The following PARD3B variants were observed in gnomAD, a reference collection of about 807,000 sequenced individuals.
PARD3B encodes the protein par-3 family cell polarity regulator beta.
Under a neutral mutation model 130.2 loss-of-function variants are expected in PARD3B, and 103 were observed. The ratio of observed to expected loss-of-function variants is 0.79; its 90% CI spans 0.67 to 0.93. The LOEUF is 0.93. PARD3B is among the 40% of genes least tolerant of loss of function. The probability of loss-of-function intolerance (pLI) is 0.00; values close to 1 mark genes in which losing one functional copy is unlikely to be tolerated. For missense variants in PARD3B, 1,609 were observed against 1,499.2 expected (o/e 1.07, Z -1.21); for synonymous variants, 583 against 553.2 (o/e 1.05, Z -0.76).
In PARD3B at chr2:205,244,670, AAC is replaced by A. The variant is rs2039493579; in HGVS notation, c.2141-1104_2141-1103del. On this transcript the variant is annotated intron_variant, in intron 15 of 22. Coordinates refer to ENST00000406610, the MANE Select transcript of PARD3B (RefSeq NM_001302769.2). This position sits in a 1 kb window ranked among gnomAD's most constrained non-coding sequence, Gnocchi z 4.7. ...TGTTTGTGGGAAAGTTTTACTTATAAACACATTTTTTTTTTCAAAAAACTACT... is the reference window on the plus strand; with the variant it reads ...TGTTTGTGGGAAAGTTTTACTTATAAACATTTTTTTTTTCAAAAAACTACT... Among the ~76,000 whole-genome samples, 2 of 152,202 alleles carry A rather than the reference AAC, an allele frequency of 1.3e-5. No individual in the cohort carries two copies. The highest frequency in any genetic ancestry group is 3.9e-4 in the East Asian group (2 of 5,178).
At chr2:205,219,070 A>G (rs549907893) in intron 15 of PARD3B, among the ~76,000 whole-genome samples, 2 of 147,594 alleles carry the variant, frequency 1.4e-5, no homozygotes, top group Admixed American at 6.8e-5. Context: ...ACAAAGGGAG[A>G]CTCTGTTTAA....
At chr2:205,114,904 A>G (rs181322755) in intron 6 of PARD3B, among the ~76,000 whole-genome samples, 115 of 152,220 alleles carry the variant, frequency 7.6e-4, no homozygotes, top group African/African-American at 2.6e-3. Context: ...GGGTTATGGC[A>G]TAGGACAAAC....
intron 4 of PARD3B, among the ~76,000 whole-genome samples, chr2:205,088,025 T>C (rs1701848010): frequency 6.6e-6 from 1 of 152,236 alleles, no homozygotes; most frequent in Non-Finnish European, 1.5e-5. Flanking sequence ...AAGCTATTTT[T>C]GTGCAATGGC....
intron 2 of PARD3B, among the ~76,000 whole-genome samples, chr2:204,884,772 G>T (rs760679362): frequency 6.6e-6 from 1 of 152,154 alleles, no homozygotes; most frequent in South Asian, 2.1e-4. Flanking sequence ...TGAGGATAAC[G>T]GCTTGTGGTC....
In PARD3B at chr2:205,015,620, G is replaced by A. The variant is rs946018215; in HGVS notation, c.395-31961G>A. Among the ~76,000 whole-genome samples the A allele has an allele frequency of 6.6e-6, 1 of 152,184 alleles. No individual in the cohort carries two copies. The highest frequency in any genetic ancestry group is 1.5e-5 in the Non-Finnish European group (1 of 68,036). On this transcript the variant is annotated intron_variant, in intron 3 of 22. Coordinates refer to ENST00000406610, the MANE Select transcript of PARD3B (RefSeq NM_001302769.2). This position sits in a 1 kb window ranked among gnomAD's most constrained non-coding sequence, Gnocchi z 4.5. ...AATGAATCAATGAATGAGTAAATTG[G>A]AGGATGTAATAAAGGTGGTTGACAT...
At chr2:205,465,491 T>A (rs1170886027) in intron 20 of PARD3B, among the ~76,000 whole-genome samples, 1 of 152,234 alleles carries the variant, frequency 6.6e-6, no homozygotes, top group Non-Finnish European at 1.5e-5. Context: ...TCGATTTCAT[T>A]ATCTGAATTC....
At chr2:205,029,560 A>G (rs773868025) in intron 3 of PARD3B, among the ~76,000 whole-genome samples, 39 of 152,226 alleles carry the variant, frequency 2.6e-4, no homozygotes, top group Non-Finnish European at 5.9e-5. Context: ...TCAGTCTGCT[A>G]TGAAGCCCTC....
At chr2:204,983,697 A>G (rs1409450379) in intron 3 of PARD3B, among the ~76,000 whole-genome samples, 1 of 152,194 alleles carries the variant, frequency 6.6e-6, no homozygotes, top group Non-Finnish European at 1.5e-5. Context: ...CATGTGAAAG[A>G]TGCCCTCCAT....
chr2:204,881,976 A>C (rs1161229800), intron 2 of PARD3B, among the ~76,000 whole-genome samples: 1 of 152,136 alleles, frequency 6.6e-6, no homozygotes, highest in Non-Finnish European at 1.5e-5. Flanking sequence ...GATAGCTGAC[A>C]CCCTTGACTG....
Position 205,247,679 on chromosome 2 carries a change from T to C in PARD3B, c.2185+1857T>C, listed in dbSNP as rs911393237. On this transcript the variant is annotated intron_variant, in intron 16 of 22. Transcript: ENST00000406610. Reference sequence around the variant, plus strand: ...CGTTATTACTACTTCACGTTTTTCATTGGGCATCTGTAGAAATGCTGAAAA... The same window carrying C: ...CGTTATTACTACTTCACGTTTTTCACTGGGCATCTGTAGAAATGCTGAAAA... Among the ~76,000 whole-genome samples the C allele has an allele frequency of 2.0e-5, 3 of 152,334 alleles. No individual in the cohort carries two copies. In the South Asian group the frequency reaches 6.2e-4, roughly 32 times the overall value.
At chr2:204,972,223 C>G (rs900281248) in intron 3 of PARD3B, among the ~76,000 whole-genome samples, 2 of 151,994 alleles carry the variant, frequency 1.3e-5, no homozygotes, top group Non-Finnish European at 1.5e-5. Flanking sequence ...CTGGCATTAC[C>G]TCCTTTTGCA....
chr2:204,747,697 C>G (rs2040299538), intron 2 of PARD3B, among the ~76,000 whole-genome samples: 1 of 151,950 alleles, frequency 6.6e-6, no homozygotes, highest in South Asian at 2.1e-4. Context: ...GCTACAGTAA[C>G]CAAAACAGCA....
chr2:205,101,815 G>A (rs943980620), intron 4 of PARD3B, among the ~76,000 whole-genome samples: 4 of 152,172 alleles, frequency 2.6e-5, no homozygotes, highest in Non-Finnish European at 4.4e-5. Flanking sequence ...GTCTACAATA[G>A]GCAACTCCTT....
At chr2:205,120,492 G>T (rs1245124214) in intron 7 of PARD3B, among the ~76,000 whole-genome samples, 1 of 152,214 alleles carries the variant, frequency 6.6e-6, no homozygotes, top group Non-Finnish European at 1.5e-5. Context: ...ATTATGATTA[G>T]TTATTATGTG....
At chr2:205,436,664 A>C (rs1037572485) in intron 19 of PARD3B, among the ~76,000 whole-genome samples, 1 of 151,996 alleles carries the variant, frequency 6.6e-6, no homozygotes, top group African/African-American at 2.4e-5. Context: ...AGCAGCTTCA[A>C]TTCTACATGA....
At chr2:205,136,025 C>T (rs534107756) in intron 10 of PARD3B, among the ~76,000 whole-genome samples, 27 of 152,198 alleles carry the variant, frequency 1.8e-4, no homozygotes, top group South Asian at 2.1e-4. Flanking sequence ...TCCCGGATGG[C>T]AGGATATTCA....
intron 2 of PARD3B, among the ~76,000 whole-genome samples, chr2:204,898,582 AGT>A (rs1166023453): frequency 6.6e-6 from 1 of 152,150 alleles, no homozygotes; most frequent in East Asian, 1.9e-4. Flanking sequence ...TGAGGAAAAG[AGT>A]GTGTATTGTG....
chr2:205,151,631 A>G (rs2033763991), intron 10 of PARD3B, among the ~76,000 whole-genome samples: 1 of 152,126 alleles, frequency 6.6e-6, no homozygotes, highest in Non-Finnish European at 1.5e-5. Context: ...TTTGCTTGGT[A>G]GATCTTCCTC....
At chr2:205,579,132 T>G (rs1042953315) in intron 22 of PARD3B, among the ~76,000 whole-genome samples, 1 of 152,182 alleles carries the variant, frequency 6.6e-6, no homozygotes, top group South Asian at 2.1e-4. Context: ...GCCTTCTAAT[T>G]GTTTATTTTT....
Sources: gnomAD v4.1 joint callset for allele counts (sites outside exome capture counted in the v4.1 genomes callset) on GRCh38, gnomAD v4.1.1 for gene constraint, Gnocchi (gnomAD v3.1) non-coding constraint, MANE v1.5 for transcripts, NCBI Gene and HGNC (gene_info 2026-07-23, HGNC 2026-07-21) for gene names.